The following ZNF280B variants were observed in gnomAD, a reference collection of about 807,000 sequenced individuals.
ZNF280B encodes the protein suppressor of hairy wing homolog 2.
ZNF280B carries 16 observed loss-of-function variants against 38.0 expected under a neutral mutation model. That is an observed-to-expected ratio of 0.42 (90% CI 0.28 to 0.64). The LOEUF is 0.64. Among genes scored for constraint, ZNF280B ranks in the 30% least tolerant of loss-of-function variants. ZNF280B has a pLI of 0.21. For missense variants in ZNF280B, 581 were observed against 639.6 expected, an observed-to-expected ratio of 0.91 and a Z score of 0.99; for synonymous variants, 253 against 230.6, an observed-to-expected ratio of 1.10 and a Z score of -0.88.
In ZNF280B at chr22:22,488,312, C is replaced by T. The variant is rs201645345; in HGVS notation, c.1087G>A (p.Glu363Lys). 13 of 1,613,840 alleles carry T rather than the reference C, an allele frequency of 8.1e-6. No individual in the cohort carries two copies. The highest frequency in any genetic ancestry group is 2.2e-5 in the East Asian group (1 of 44,790). Reference sequence around the variant, plus strand: ...GGCTCCTGGGCAGTGTGGACATTTTCGATGTGACACTGTAGCTGGAAGGGA... The same window carrying T: ...GGCTCCTGGGCAGTGTGGACATTTTTGATGTGACACTGTAGCTGGAAGGGA... ...PTPFQLQCHI[E>K]NVHTAQEPST... The change falls in exon 4 of 4, where the codon GAA becomes AAA. Residue 363 changes from glutamate (E) to lysine (K), a missense_variant. Transcript: ENST00000626650.
intron 2 of ZNF280B, among the ~76,000 whole-genome samples, chr22:22,496,899 C>G (rs1371544835): frequency 7.3e-5 from 11 of 150,352 alleles, no homozygotes; most frequent in Admixed American, 5.3e-4. Flanking sequence ...CTCACTGCAA[C>G]CTCCACCTCC....
intron 2 of ZNF280B, among the ~76,000 whole-genome samples, chr22:22,499,655 C>T (rs911337036): frequency 1.3e-5 from 2 of 151,942 alleles, no homozygotes; most frequent in Non-Finnish European, 2.9e-5. Flanking sequence ...TTTGAAACAA[C>T]AAAACGATTG....
intron 2 of ZNF280B, among the ~76,000 whole-genome samples, chr22:22,501,042 C>CAAAAAAA (rs2061812767): frequency 3.8e-5 from 4 of 105,022 alleles, no homozygotes; most frequent in African/African-American, 1.3e-4. Flanking sequence ...AAAAAAAAAA[C>CAAAAAAA]AAAAAACCAA....
At chr22:22,500,854 T>C (rs112278072) in intron 2 of ZNF280B, among the ~76,000 whole-genome samples, 15 of 150,366 alleles carry the variant, frequency 1.0e-4, no homozygotes, top group African/African-American at 3.7e-4. Flanking sequence ...AGAGAAACTC[T>C]GTTTCAAAAA....
chr22:22,498,660 C>T (rs2061748640), intron 2 of ZNF280B, among the ~76,000 whole-genome samples: 1 of 151,692 alleles, frequency 6.6e-6, no homozygotes. Flanking sequence ...AACACCAATC[C>T]TTCATTAACT....
rs141102079 is a variant in ZNF280B at position 22,488,160 on chromosome 22, C to T, written c.1239G>A (p.Ser413=). The T allele has an allele frequency of 3.4e-5, 55 of 1,613,842 alleles. No homozygotes were observed. The highest frequency in any genetic ancestry group is 3.3e-4 in the African/African-American group (25 of 74,958). Residue 413 remains serine (S), a synonymous_variant, in exon 4 of 4, where the codon TCG becomes TCA. Transcript: ENST00000626650. ...YVCQVCHYRS[S]VFADVETHFR... is the part of the protein sequence containing the mutation. Reference sequence around the variant, plus strand: ...AATGTGTTTCTACATCAGCAAAGACCGACGATCTATAATGGCAAACCTGGC... The same window carrying T: ...AATGTGTTTCTACATCAGCAAAGACTGACGATCTATAATGGCAAACCTGGC...
At chr22:22,504,294 G>A (rs548017712) in intron 2 of ZNF280B, among the ~76,000 whole-genome samples, 2 of 151,724 alleles carry the variant, frequency 1.3e-5, no homozygotes, top group African/African-American at 4.8e-5. Context: ...TTAGCTGAGC[G>A]TGGTGGCACA....
intron 1 of ZNF280B, among the ~76,000 whole-genome samples, chr22:22,508,457 TA>T (rs2061984917): frequency 1.3e-5 from 2 of 151,182 alleles, no homozygotes; most frequent in Admixed American, 6.6e-5. Flanking sequence ...CCGCTGAGAT[TA>T]GGGAAGGGGG....
chr22:22,501,960 A>G (rs1205672536), intron 2 of ZNF280B, among the ~76,000 whole-genome samples: 3 of 151,864 alleles, frequency 2.0e-5, no homozygotes, highest in Non-Finnish European at 2.9e-5. Flanking sequence ...ATTTAAATTT[A>G]GCTGGGCATC....
intron 3 of ZNF280B, among the ~76,000 whole-genome samples, chr22:22,491,751 TACA>T (rs1291559102): frequency 6.6e-6 from 1 of 151,876 alleles, no homozygotes; most frequent in Non-Finnish European, 1.5e-5. Flanking sequence ...AGCCATGGAT[TACA>T]AGCCTGAGCT....
chr22:22,496,594 G>A (rs2061699867), intron 2 of ZNF280B, among the ~76,000 whole-genome samples: 1 of 151,794 alleles, frequency 6.6e-6, no homozygotes. Context: ...TGTTTAATGG[G>A]CATTCAATTC....
chr22:22,504,171 C>T (rs780197932), intron 2 of ZNF280B, among the ~76,000 whole-genome samples: 21 of 152,034 alleles, frequency 1.4e-4, no homozygotes, highest in South Asian at 6.2e-4. Flanking sequence ...TGGTGGCTCA[C>T]GCCTGTAATC....
At chr22:22,498,563 T>C (rs1210762606) in intron 2 of ZNF280B, among the ~76,000 whole-genome samples, 2 of 151,624 alleles carry the variant, frequency 1.3e-5, no homozygotes, top group East Asian at 2.0e-4. Flanking sequence ...AAACAAGCAA[T>C]AGAATTAGTA....
rs1481995775 is a variant in ZNF280B at position 22,487,479 on chromosome 22, A to T, written c.*288T>A. 1.1e-5 allele frequency: 2 copies of T among 179,404 alleles called. No individual in the cohort carries two copies. The highest frequency in any genetic ancestry group is 6.3e-5 in the Admixed American group (1 of 15,778). 11.1% of individuals were successfully genotyped at this position (179,404 alleles called of 1,614,324 possible). A position where few individuals can be genotyped will look rare whatever the true frequency, so the allele number is the denominator to read the frequency against. On this transcript the variant is annotated 3_prime_UTR_variant, in exon 4 of 4. Transcript: ENST00000626650. ...AAAAAAAAAAAAAAAAAAAAAAATTAAAATTAAAAAAATAAATTAATACCT... is the reference window on the plus strand; with the variant it reads ...AAAAAAAAAAAAAAAAAAAAAAATTTAAATTAAAAAAATAAATTAATACCT...
Position 22,488,373 on chromosome 22 carries a change from G to A in ZNF280B, c.1026C>T (p.His342=). The change falls in exon 4 of 4, where the codon CAC becomes CAT. Residue 342 remains histidine, a synonymous_variant. Transcript: ENST00000626650. ...EKQRNDSWEN[H]TTCQHCHRQF... is the part of the protein sequence containing the mutation. ...GCCGGTGGCAGTGCTGGCAGGTGGTGTGGTTTTCCCAGCTGTCGTTCCTCT... is the reference window on the plus strand; with the variant it reads ...GCCGGTGGCAGTGCTGGCAGGTGGTATGGTTTTCCCAGCTGTCGTTCCTCT... 1 of 1,613,892 alleles carries A rather than the reference G, an allele frequency of 6.2e-7. No homozygotes were observed. The highest frequency in any genetic ancestry group is 1.7e-4 in the Middle Eastern group (1 of 6,054).
chr22:22,508,055 C>A (rs1287086117), intron 1 of ZNF280B, among the ~76,000 whole-genome samples, 185 bp from the exon 2 acceptor site: 1 of 151,894 alleles, frequency 6.6e-6, no homozygotes, highest in Non-Finnish European at 1.5e-5. Context: ...GAAAACGTCC[C>A]ACCCGCCAAC....
chr22:22,494,781 G>A (rs943270655), intron 2 of ZNF280B, among the ~76,000 whole-genome samples: 6 of 151,900 alleles, frequency 3.9e-5, no homozygotes, highest in Admixed American at 3.3e-4. Context: ...CTGTCACCCA[G>A]GCTGGAATGC....
At position 22,488,169 on chromosome 22, in the gene ZNF280B, A is replaced by G. The variant is rs530810948; in HGVS notation, c.1230T>C (p.Tyr410=). 14 of 1,613,700 alleles carry G rather than the reference A, an allele frequency of 8.7e-6. No individual in the cohort carries two copies. The African/African-American group carries it at 9.3e-5, about 11-fold the overall frequency. The change falls in exon 4 of 4, where the codon TAT becomes TAC. Residue 410 remains tyrosine (Y), a synonymous_variant. Coordinates refer to ENST00000626650, the MANE Select transcript of ZNF280B (RefSeq NM_080764.4). ...CTACATCAGCAAAGACCGACGATCT[A>G]TAATGGCAAACCTGGCACACATAGG... ...EMPYVCQVCH[Y]RSSVFADVET...
intron 2 of ZNF280B, among the ~76,000 whole-genome samples, chr22:22,504,426 G>GAAAAA (rs1314633209): frequency 8.2e-6 from 1 of 121,242 alleles, no homozygotes; most frequent in Admixed American, 8.8e-5. Context: ...GACTCCGTCT[G>GAAAAA]AAAAAAAAAA....
Sources: allele counts gnomAD v4.1 joint callset (sites outside exome capture counted in the v4.1 genomes callset), GRCh38; gene constraint gnomAD v4.1.1; transcripts MANE v1.5; gene names NCBI Gene and HGNC (gene_info 2026-07-23, HGNC 2026-07-21).